Variants in RP9 observed in about 807,000 individuals in gnomAD.
RP9 encodes the protein retinitis pigmentosa 9 protein.
RP9 carries 23 observed loss-of-function variants against 32.6 expected under a neutral mutation model. That is an observed-to-expected ratio of 0.71 (90% CI 0.51 to 1.00). RP9 has a LOEUF of 1.00. Ranked by LOEUF, RP9 falls within the 50% of genes least tolerant of loss-of-function variation. The pLI is 0.00. For missense variants in RP9, 245 were observed against 285.3 expected, an observed-to-expected ratio of 0.86 and a Z score of 1.02; for synonymous variants, 94 against 103.6, an observed-to-expected ratio of 0.91 and a Z score of 0.56.
At chr7:33,097,078 C>T (rs1562619062) in intron 4 of RP9, among the ~76,000 whole-genome samples, 193 bp downstream of exon 4, 4 of 151,896 alleles carry the variant, frequency 2.6e-5, no homozygotes, top group African/African-American at 9.7e-5. Flanking sequence ...ATAAGAATTC[C>T]TTTTTTTTGT....
At chr7:33,099,875 T>C (rs1584001175) in intron 2 of RP9, among the ~76,000 whole-genome samples, 1 of 152,356 alleles carries the variant, frequency 6.6e-6, no homozygotes, top group Non-Finnish European at 1.5e-5. Flanking sequence ...ACACATGCTA[T>C]ATCTCTGATG....
At chr7:33,103,696 G>A (rs750918184) in intron 1 of RP9, among the ~76,000 whole-genome samples, 11 of 152,118 alleles carry the variant, frequency 7.2e-5, no homozygotes, top group Non-Finnish European at 1.0e-4. Flanking sequence ...GTGTGCACCT[G>A]CAGTCCCAGC....
In RP9 at chr7:33,109,246, G is replaced by A. The variant is rs1195214006; in HGVS notation, c.127C>T (p.Gln43Ter). Residue 43 changes from glutamine (Q) to a stop codon, truncating the protein, a stop_gained, in exon 1 of 6, where the codon CAG (glutamine) becomes TAG (stop). Coordinates refer to ENST00000297157, the MANE Select transcript of RP9 (RefSeq NM_203288.2). LOFTEE classifies it high-confidence loss of function. The surrounding 1 kb of genome is among the most constrained non-coding windows in gnomAD (Gnocchi z 4.9). ...KRRRHDAQQLQQLKHLESFYE... is the reference protein window; with the variant it reads ...KRRRHDAQQL ...AAGGACTCCAGGTGCTTGAGCTGCTGCAGCTGCTGCGCGTCGTGTCGCCGC... is the reference window on the plus strand; with the variant it reads ...AAGGACTCCAGGTGCTTGAGCTGCTACAGCTGCTGCGCGTCGTGTCGCCGC... The A allele has an allele frequency of 4.0e-6, 6 of 1,496,786 alleles. No individual in the cohort carries two copies. The highest frequency in any genetic ancestry group is 5.3e-6 in the Non-Finnish European group (6 of 1,126,076). The allele number at this position is 1,496,786 out of a possible 1,614,324, so 92.7% of individuals were successfully genotyped here.
chr7:33,099,652 C>A (rs925494383), intron 2 of RP9, among the ~76,000 whole-genome samples: 7 of 151,894 alleles, frequency 4.6e-5, no homozygotes, highest in Non-Finnish European at 2.9e-5. Context: ...TGTAGCTGTT[C>A]TTAGAGAAAA....
At chr7:33,097,192 A>G (rs1788349584) in intron 4 of RP9, 79 bp downstream of exon 4, 6 of 1,076,814 alleles carry the variant, frequency 5.6e-6, no homozygotes, top group African/African-American at 4.6e-5. Flanking sequence ...TGACCATTCA[A>G]GTTCACTGGT....
chr7:33,100,822 G>A (rs1189833557), intron 1 of RP9: 2 of 624,866 alleles, frequency 3.2e-6, no homozygotes, highest in African/African-American at 1.8e-5. Context: ...CCAGAATGCT[G>A]AGCACGCAAG....
At chr7:33,107,856 G>C (rs1788520518) in intron 1 of RP9, among the ~76,000 whole-genome samples, 2 of 152,204 alleles carry the variant, frequency 1.3e-5, no homozygotes, top group African/African-American at 4.8e-5. Context: ...GCAATTCTCA[G>C]GCTGCCACCT....
At chr7:33,103,820 TAAAAA>T (rs1788462345) in intron 1 of RP9, among the ~76,000 whole-genome samples, 1 of 151,634 alleles carries the variant, frequency 6.6e-6, no homozygotes, top group East Asian at 1.9e-4. Flanking sequence ...AGCTTGTCTC[TAAAAA>T]ACACAAAACA....
intron 5 of RP9, among the ~76,000 whole-genome samples, chr7:33,095,838 CT>C (rs965243027): frequency 9.5e-5 from 14 of 147,624 alleles, no homozygotes; most frequent in African/African-American, 7.4e-5. Flanking sequence ...TAATTTTTTT[CT>C]TTTTTTTTTA....
chr7:33,097,400 G>T, intron 3 of RP9, 38 bp from the exon 4 acceptor site: 1 of 1,396,432 alleles, frequency 7.2e-7, no homozygotes. Flanking sequence ...TAAGATAACA[G>T]TTTCACCTAC....
chr7:33,100,784 C>T, intron 1 of RP9: 1 of 680,068 alleles, frequency 1.5e-6, no homozygotes, highest in South Asian at 1.5e-5. Flanking sequence ...TTCCTTATTT[C>T]CATCCAGGGA....
Position 33,099,417 on chromosome 7 carries a change from T to G in RP9, c.203A>C (p.Glu68Ala), listed in dbSNP as rs1788393630. 2 of 1,613,442 alleles carry G rather than the reference T, an allele frequency of 1.2e-6. No homozygotes were observed. Among genetic ancestry groups the G allele is most frequent in the South Asian group, 1.1e-5 (1 of 91,038 alleles). The part of the protein sequence containing the change: ...GLIKEDETKP[E>A]DCIPDVPGNE... ...GCCTGGTACATCTGGTATGCAATCT[T>G]CTGGCTTAGTCTCATCTTCCTAAAA... The change falls in exon 3 of 6, where the codon GAA (glutamate) becomes GCA (alanine). Residue 68 changes from glutamate to alanine, a missense_variant. This residue lies in a region of RP9 where 182 missense variants were observed against 175.5 expected (regional missense o/e 1.04). Coordinates refer to ENST00000297157, the MANE Select transcript of RP9 (RefSeq NM_203288.2).
chr7:33,107,760 G>A (rs1788518993), intron 1 of RP9, among the ~76,000 whole-genome samples: 1 of 152,198 alleles, frequency 6.6e-6, no homozygotes, highest in East Asian at 1.9e-4. Context: ...TATGAATTAT[G>A]TTTTTTAAAA....
At chr7:33,103,328 C>T (rs1788454717) in intron 1 of RP9, among the ~76,000 whole-genome samples, 1 of 152,184 alleles carries the variant, frequency 6.6e-6, no homozygotes, top group South Asian at 2.1e-4. Flanking sequence ...GACTCAAGAC[C>T]CTTCTCTAGA....
At chr7:33,100,337 A>G (rs868090467) in intron 2 of RP9, 194 bp downstream of exon 2, 2 of 646,536 alleles carry the variant, frequency 3.1e-6, no homozygotes, top group South Asian at 1.9e-5. Context: ...GAAGGGAAAC[A>G]TGGCTGATGA....
chr7:33,109,393 T>A lies in RP9; in HGVS notation c.-21A>T. 1 of 1,201,864 alleles carries A rather than the reference T, an allele frequency of 8.3e-7. No homozygotes were observed. Among genetic ancestry groups the A allele is most frequent in the Non-Finnish European group, 1.0e-6 (1 of 965,268 alleles). The allele number at this position is 1,201,864 out of a possible 1,614,324, so 74.4% of individuals were successfully genotyped here. On this transcript the variant is annotated 5_prime_UTR_variant, in exon 1 of 6. Coordinates refer to ENST00000297157, the MANE Select transcript of RP9 (RefSeq NM_203288.2). The surrounding 1 kb of genome is among the most constrained non-coding windows in gnomAD (Gnocchi z 4.9). The stretch of plus-strand genomic sequence containing the variant: ...GACATGTCAGCCCCCGCAGCGCCGC[T>A]CGGGCAACCCCCGCGGCGCGGCTCC...
intron 1 of RP9, among the ~76,000 whole-genome samples, chr7:33,105,950 G>A (rs745836510): frequency 1.3e-5 from 2 of 151,992 alleles, no homozygotes; most frequent in Non-Finnish European, 2.9e-5. Context: ...TATCTGCTGT[G>A]ACTCCTATGA....
At chr7:33,096,255 C>A (rs1417861435) in intron 5 of RP9, among the ~76,000 whole-genome samples, 1 of 152,228 alleles carries the variant, frequency 6.6e-6, no homozygotes, top group East Asian at 1.9e-4. Context: ...CCAACATCAA[C>A]TGCAGTGGCC....
intron 1 of RP9, 69 bp from the exon 2 acceptor site, chr7:33,100,630 A>G: frequency 8.0e-7 from 1 of 1,250,058 alleles, no homozygotes; most frequent in Non-Finnish European, 1.2e-6. Flanking sequence ...TTACTGCAAA[A>G]AAGGGGCTAT....
Sources: allele counts gnomAD v4.1 joint callset (sites outside exome capture counted in the v4.1 genomes callset), GRCh38; gene constraint gnomAD v4.1.1; regional missense constraint gnomAD v4.1.1; non-coding constraint Gnocchi (gnomAD v3.1); transcripts MANE v1.5; gene names NCBI Gene and HGNC (gene_info 2026-07-23, HGNC 2026-07-21).